Variants in CHD1 observed in about 807,000 individuals in gnomAD.
CHD1 encodes chromodomain helicase DNA binding protein 1.
In CHD1, 36 loss-of-function variants were observed where a neutral mutation model predicts 224.2. The observed-to-expected ratio is 0.16, with a 90% CI of 0.12 to 0.21. The LOEUF (loss-of-function observed/expected upper bound fraction) is 0.21, where lower values mean the gene tolerates loss of function less well. Ranked by LOEUF, CHD1 falls within the 10% of genes least tolerant of loss-of-function variation. The probability of loss-of-function intolerance (pLI) is 1.00; values close to 1 mark genes in which losing one functional copy is unlikely to be tolerated. For missense variants in CHD1, 1,378 were observed against 1,994.8 expected, an observed-to-expected ratio of 0.69 and a Z score of 5.89; for synonymous variants, 668 against 658.3, an observed-to-expected ratio of 1.01 and a Z score of -0.23.
intron 15 of CHD1, among the ~76,000 whole-genome samples, chr5:98,891,277 T>C (rs1751006684): frequency 1.3e-5 from 2 of 152,044 alleles, no homozygotes; most frequent in South Asian, 2.1e-4. Context: ...GGTTTTGCCA[T>C]GTTGCCTAGG....
At chr5:98,875,666 G>A (rs1057016614) in intron 24 of CHD1, among the ~76,000 whole-genome samples, 4 of 152,172 alleles carry the variant, frequency 2.6e-5, no homozygotes, top group Admixed American at 6.5e-5. Flanking sequence ...GGTCATGAAA[G>A]TGCCTTTTAA....
intron 2 of CHD1, among the ~76,000 whole-genome samples, chr5:98,911,146 A>ATCTATAT (rs1554081078): frequency 2.6e-5 from 1 of 39,144 alleles, no homozygotes; most frequent in South Asian, 1.0e-3. Flanking sequence ...AAAAAAAAAA[A>ATCTATAT]ATATATATAT....
rs759283961 is a variant in CHD1, at chr5:98,901,235, A to G, written c.538T>C (p.Ser180Pro). The G allele has an allele frequency of 3.1e-6, 5 of 1,613,818 alleles. No individual in the cohort carries two copies. Among genetic ancestry groups the G allele is most frequent in the Admixed American group, 1.7e-5 (1 of 59,962 alleles). ...REKSSCDETE[S>P]DYEPKNKVKS... ...ACTTTGTTTTTTGGCTCATAATCAG[A>G]TTCTGTTTCATCACAACTGCTTTTC... Residue 180 changes from serine (S) to proline (P), a missense_variant, in exon 6 of 36, where the codon TCT becomes CCT. By Grantham distance (74) the Ser-to-Pro change is moderately conservative. Transcript: ENST00000614616.
intron 2 of CHD1, among the ~76,000 whole-genome samples, chr5:98,921,879 C>T (rs1253813472): frequency 6.6e-6 from 1 of 152,156 alleles, no homozygotes; most frequent in South Asian, 2.1e-4. Context: ...CAGCCAGGCG[C>T]AGTGGCTCAT....
At chr5:98,860,205 T>C in intron 32 of CHD1, 137 bp from the exon 33 acceptor site, 1 of 662,590 alleles carries the variant, frequency 1.5e-6, no homozygotes, top group Non-Finnish European at 2.8e-6. Flanking sequence ...TTAAGGATAT[T>C]AATTTTCCTA....
At chr5:98,904,592 G>A (rs889741530) in intron 3 of CHD1, among the ~76,000 whole-genome samples, 1 of 152,158 alleles carries the variant, frequency 6.6e-6, no homozygotes, top group Non-Finnish European at 1.5e-5. Context: ...ACCTCACAAT[G>A]TCTTAAATTT....
At position 98,879,558 on chromosome 5, in the gene CHD1, T is replaced by G. The variant is rs1328125475; in HGVS notation, c.3231A>C (p.Ala1077=). The G allele has an allele frequency of 6.3e-6, 10 of 1,589,246 alleles. No homozygotes were observed. In the East Asian group the frequency reaches 2.2e-4, roughly 36 times the overall value. The part of the protein sequence containing the change: ...IYMLPRMRNC[A]KQISFNGSEG... ...TTTAAAATTGCAAAATCACCTGTTT[T>G]GCACAATTTCTCATTCTTGGGAGCA... Residue 1077 remains alanine, a synonymous_variant, in exon 23 of 36, where the codon GCA becomes GCC. Transcript: ENST00000614616.
At chr5:98,858,919 A>C (rs1434914103) in intron 34 of CHD1, 45 bp downstream of exon 34, 1 of 1,401,780 alleles carries the variant, frequency 7.1e-7, no homozygotes, top group Non-Finnish European at 9.5e-7. Context: ...AAATTTAAAA[A>C]AAATTTTTTT....
chr5:98,907,204 C>T (rs560557539), intron 2 of CHD1, among the ~76,000 whole-genome samples: 3 of 152,274 alleles, frequency 2.0e-5, no homozygotes, highest in African/African-American at 7.2e-5. Flanking sequence ...TCTAGTTGCA[C>T]AGGTTTATTG....
chr5:98,868,616 T>C lies in CHD1; in HGVS notation c.4127A>G (p.Asp1376Gly), dbSNP rs763616787. ...DDDKLSESKSDGRERSKKSSV... is the reference protein window; with the variant it reads ...DDDKLSESKSGGRERSKKSSV... The stretch of plus-strand genomic sequence containing the variant: ...AGATTTCTTGGATCTTTCCCTACCA[T>C]CAGACTTGGATTCACTCAACTAAAG... The change falls in exon 31 of 36, where the codon GAT becomes GGT. Residue 1376 changes from aspartate (D) to glycine (G), a missense_variant. This residue lies in a region of CHD1 where 105 missense variants were observed against 93.4 expected (regional missense o/e 1.12). Transcript: ENST00000614616. 5.0e-6 allele frequency: 8 copies of C among 1,597,768 alleles called. No individual in the cohort carries two copies. The highest frequency in any genetic ancestry group is 2.7e-5 in the African/African-American group (2 of 73,844).
intron 19 of CHD1, 129 bp from the exon 20 acceptor site, chr5:98,882,252 T>C: frequency 1.5e-6 from 1 of 675,060 alleles, no homozygotes; most frequent in Non-Finnish European, 2.3e-6. Context: ...AAAAGCAAAA[T>C]GAAAATTTAA....
intron 31 of CHD1, among the ~76,000 whole-genome samples, chr5:98,866,135 A>T (rs1008757114): frequency 6.6e-6 from 1 of 152,064 alleles, no homozygotes; most frequent in African/African-American, 2.4e-5. Flanking sequence ...ACAAAAAACA[A>T]AAACAAAAAC....
At chr5:98,881,020 A>G (rs1750135632) in intron 22 of CHD1, 56 bp downstream of exon 22, 9 of 984,784 alleles carry the variant, frequency 9.1e-6, no homozygotes, top group Non-Finnish European at 1.4e-5. Flanking sequence ...ACTAAATGAC[A>G]TAACTCAATT....
chr5:98,900,723 A>G (rs998718580), intron 7 of CHD1, 88 bp downstream of exon 7: 3 of 1,179,426 alleles, frequency 2.5e-6, no homozygotes, highest in Non-Finnish European at 2.4e-6. Flanking sequence ...AAGTACTGGG[A>G]TTACAGGGGC....
chr5:98,872,269 AC>A (rs772943285), intron 27 of CHD1, 68 bp from the exon 28 acceptor site: 3 of 1,529,080 alleles, frequency 2.0e-6, no homozygotes, highest in Non-Finnish European at 2.7e-6. Flanking sequence ...ATTTTGAAAA[AC>A]GTGAGTCATT....
chr5:98,910,496 T>C (rs1448595202), intron 2 of CHD1, among the ~76,000 whole-genome samples: 3 of 152,132 alleles, frequency 2.0e-5, no homozygotes, highest in African/African-American at 7.2e-5. Flanking sequence ...TTTATGTTGC[T>C]TTATTTACTT....
At chr5:98,866,624 G>A (rs1413732283) in intron 31 of CHD1, among the ~76,000 whole-genome samples, 1 of 152,084 alleles carries the variant, frequency 6.6e-6, no homozygotes, top group Non-Finnish European at 1.5e-5. Context: ...AGTGACTGAA[G>A]TATGTTAACT....
At chr5:98,905,762 TACAC>T (rs1287751151) in intron 2 of CHD1, among the ~76,000 whole-genome samples, 2 of 152,190 alleles carry the variant, frequency 1.3e-5, no homozygotes, top group East Asian at 3.8e-4. Context: ...CTAACGTGTA[TACAC>T]ACACATAAAA....
intron 16 of CHD1, 72 bp downstream of exon 16, chr5:98,889,004 C>T (rs1750832358): frequency 2.9e-6 from 3 of 1,029,044 alleles, no homozygotes; most frequent in Non-Finnish European, 4.2e-6. Flanking sequence ...AGCATTGAGC[C>T]ATTTTCGATT....
Sources: allele counts gnomAD v4.1 joint callset (sites outside exome capture counted in the v4.1 genomes callset), GRCh38; gene constraint gnomAD v4.1.1; regional missense constraint gnomAD v4.1.1; transcripts MANE v1.5; gene names NCBI Gene and HGNC (gene_info 2026-07-23, HGNC 2026-07-21).